The following CD58 variants were observed in gnomAD, a reference collection of about 807,000 sequenced individuals.
The protein encoded by CD58 is CD58 molecule.
In CD58, 14 loss-of-function variants were observed where a neutral mutation model predicts 27.6. The observed-to-expected ratio is 0.51, with a 90% CI of 0.34 to 0.79. The LOEUF is 0.79. Among genes scored for constraint, CD58 ranks in the 30% least tolerant of loss-of-function variants. The pLI is 0.02. For missense variants in CD58, 268 were observed against 301.7 expected (o/e 0.89, Z 0.83); for synonymous variants, 117 against 103.8 (o/e 1.13, Z -0.77).
Position 116,552,115 on chromosome 1 carries a change from T to C in CD58, c.71-7511A>G, listed in dbSNP as rs1207575072. Among the ~76,000 whole-genome samples the C allele has an allele frequency of 6.6e-6, 1 of 152,224 alleles. No individual in the cohort carries two copies. The highest frequency in any genetic ancestry group is 2.4e-5 in the African/African-American group (1 of 41,452). ...GTTTTTAATTTAAAGTGAGAGACAG[T>C]GCAACTCTTCTTTTCACTTGAGCAC... On this transcript the variant is annotated intron_variant, in intron 1 of 5. Coordinates refer to ENST00000369489, the MANE Select transcript of CD58 (RefSeq NM_001779.3). This position sits in a 1 kb window ranked among gnomAD's most constrained non-coding sequence, Gnocchi z 4.5.
At chr1:116,569,651 G>A (rs1007066530) in intron 1 of CD58, among the ~76,000 whole-genome samples, 34 of 147,880 alleles carry the variant, frequency 2.3e-4, no homozygotes, top group Non-Finnish European at 3.9e-4. Context: ...ACCCAGGCTG[G>A]AGTTCAGTGG....
chr1:116,570,825 C>T lies in CD58; in HGVS notation c.70+78G>A. On this transcript the variant is annotated intron_variant, in intron 1 of 5. Transcript: ENST00000369489. The surrounding 1 kb of genome is among the most constrained non-coding windows in gnomAD (Gnocchi z 6.4). ...GTCTCTGATCGGCAACCGCCTCGAG[C>T]CCGGCGCGTCCACCCAGCCTGGGTG... 8.4e-7 allele frequency: 1 copy of T among 1,193,842 alleles called. No individual in the cohort carries two copies. The highest frequency in any genetic ancestry group is 1.4e-5 in the South Asian group (1 of 70,588). The allele number at this position is 1,193,842 out of a possible 1,614,324, so 74.0% of individuals were successfully genotyped here. A position where few individuals can be genotyped will look rare whatever the true frequency, so the allele number is the denominator to read the frequency against.
In CD58 at chr1:116,557,924, T is replaced by C. The variant is rs2101216846; in HGVS notation, c.70+12979A>G. On this transcript the variant is annotated intron_variant, in intron 1 of 5. Coordinates refer to ENST00000369489, the MANE Select transcript of CD58 (RefSeq NM_001779.3). The surrounding 1 kb of genome is among the most constrained non-coding windows in gnomAD (Gnocchi z 5.2). ...CGTGGGCTCAAGTGATCCTCCTCCC[T>C]GGGCCTTCTGAAGTGCTGAGATTAC... 6.6e-6 allele frequency among the ~76,000 whole-genome samples: 1 copy of C among 152,272 alleles called. No individual in the cohort carries two copies. Among genetic ancestry groups the C allele is most frequent in the African/African-American group, 2.4e-5 (1 of 41,560 alleles).
rs371781044 is a variant in CD58, at chr1:116,563,420, C to A, written c.70+7483G>T. The stretch of plus-strand genomic sequence containing the variant: ...GCCCTCTTCTCACAGCTCCACTAGG[C>A]GGTGCCCCAGTGGGGACTCTGTGTG... On this transcript the variant is annotated intron_variant, in intron 1 of 5. Coordinates refer to ENST00000369489, the MANE Select transcript of CD58 (RefSeq NM_001779.3). The surrounding 1 kb of genome is among the most constrained non-coding windows in gnomAD (Gnocchi z 4.1). 6.6e-6 allele frequency among the ~76,000 whole-genome samples: 1 copy of A among 152,096 alleles called. No individual in the cohort carries two copies. Among genetic ancestry groups the A allele is most frequent in the Admixed American group, 6.5e-5 (1 of 15,278 alleles).
intron 1 of CD58, among the ~76,000 whole-genome samples, chr1:116,569,447 A>G (rs1221897801): frequency 1.3e-5 from 2 of 152,084 alleles, no homozygotes; most frequent in Non-Finnish European, 2.9e-5. Flanking sequence ...ACACTCAGCA[A>G]TCTTTTCCCA....
At chr1:116,526,550 T>C (rs1211449102) in intron 3 of CD58, among the ~76,000 whole-genome samples, 1 of 152,246 alleles carries the variant, frequency 6.6e-6, no homozygotes, top group Non-Finnish European at 1.5e-5. Flanking sequence ...GATCTATTTG[T>C]CTTTTATTTT....
intron 1 of CD58, among the ~76,000 whole-genome samples, chr1:116,558,389 G>C (rs1408749739): frequency 6.6e-6 from 1 of 152,104 alleles, no homozygotes; most frequent in Non-Finnish European, 1.5e-5. Flanking sequence ...TCACTTCTCT[G>C]CGTTTGGTCT....
At chr1:116,526,742 G>A (rs1202877471) in intron 3 of CD58, among the ~76,000 whole-genome samples, 1 of 152,076 alleles carries the variant, frequency 6.6e-6, no homozygotes, top group Non-Finnish European at 1.5e-5. Context: ...TATTTTGCTT[G>A]GGATTGCACT....
chr1:116,559,421 C>T lies in CD58; in HGVS notation c.70+11482G>A, dbSNP rs976739327. On this transcript the variant is annotated intron_variant, in intron 1 of 5. Coordinates refer to ENST00000369489, the MANE Select transcript of CD58 (RefSeq NM_001779.3). This position sits in a 1 kb window ranked among gnomAD's most constrained non-coding sequence, Gnocchi z 4.4. ...GAGCTGGTGTCCAGACACAGGCAGT[C>T]GGCCCCAGAGCCTGCACTGTTGGCC... 6.6e-6 allele frequency among the ~76,000 whole-genome samples: 1 copy of T among 152,160 alleles called. No homozygotes were observed. Among genetic ancestry groups the T allele is most frequent in the African/African-American group, 2.4e-5 (1 of 41,436 alleles).
Position 116,563,534 on chromosome 1 carries a change from C to T in CD58, c.70+7369G>A, listed in dbSNP as rs994658350. On this transcript the variant is annotated intron_variant, in intron 1 of 5. Coordinates refer to ENST00000369489, the MANE Select transcript of CD58 (RefSeq NM_001779.3). The surrounding 1 kb of genome is among the most constrained non-coding windows in gnomAD (Gnocchi z 4.1). Reference sequence around the variant, plus strand: ...CTCCTGCAGCAAACTTCTGCCTGGACATCCAGGCATTTCCATACATCCTCT... The same window carrying T: ...CTCCTGCAGCAAACTTCTGCCTGGATATCCAGGCATTTCCATACATCCTCT... Among the ~76,000 whole-genome samples, 1 of 152,178 alleles carries T rather than the reference C, an allele frequency of 6.6e-6. No individual in the cohort carries two copies. Among genetic ancestry groups the T allele is most frequent in the Non-Finnish European group, 1.5e-5 (1 of 68,016 alleles).
At chr1:116,544,671 G>A in intron 1 of CD58, 67 bp from the exon 2 acceptor site, 1 of 1,096,600 alleles carries the variant, frequency 9.1e-7, no homozygotes, top group Non-Finnish European at 1.3e-6. Flanking sequence ...TATTCATCAG[G>A]TACTTTTTGT....
chr1:116,533,370 G>A (rs1050314), intron 3 of CD58: 2 of 969,492 alleles, frequency 2.1e-6, no homozygotes, highest in African/African-American at 1.6e-5. Context: ...CTCAGGACCT[G>A]CAAATGAAAA....
At chr1:116,530,209 C>T (rs1571064199) in intron 3 of CD58, among the ~76,000 whole-genome samples, 1 of 143,426 alleles carries the variant, frequency 7.0e-6, no homozygotes. Flanking sequence ...TCTCCTCATT[C>T]TTTTTTTTTT....
At chr1:116,558,735 C>G (rs1284019575) in intron 1 of CD58, among the ~76,000 whole-genome samples, 5 of 152,282 alleles carry the variant, frequency 3.3e-5, no homozygotes, top group African/African-American at 1.2e-4. Flanking sequence ...ATCCAAGGAG[C>G]CCTAGGCCAG....
rs1173994246 is a variant in CD58, at chr1:116,517,885, T to C, written c.743+1346A>G. 1.3e-5 allele frequency among the ~76,000 whole-genome samples: 2 copies of C among 152,218 alleles called. No homozygotes were observed. Among genetic ancestry groups the C allele is most frequent in the East Asian group, 3.8e-4 (2 of 5,198 alleles). On this transcript the variant is annotated intron_variant, in intron 5 of 5. Transcript: ENST00000369489. The surrounding 1 kb of genome is among the most constrained non-coding windows in gnomAD (Gnocchi z 6.5). ...ATCAACCTGTCAAAGCAAAAATTCA[T>C]AATTTTCCTTCCCAACCAAGATTCC...
intron 5 of CD58, 43 bp from the exon 6 acceptor site, chr1:116,514,865 A>AT: frequency 2.0e-6 from 3 of 1,480,628 alleles, no homozygotes; most frequent in Non-Finnish European, 2.8e-6. Context: ...AATGCAGTAA[A>AT]TCTGGGCTGC....
rs142426408 is a variant in CD58 at position 116,517,439 on chromosome 1, G to A, written c.743+1792C>T. Among the ~76,000 whole-genome samples the A allele has an allele frequency of 3.3e-5, 5 of 152,226 alleles. No individual in the cohort carries two copies. The highest frequency in any genetic ancestry group is 2.6e-4 in the Admixed American group (4 of 15,292). ...TCCTGCACTGTTCCACCTGGCAGCT[G>A]AGGAGAAAGGACACCTGTGGCCCAT... is the stretch of plus-strand genomic sequence containing the variant. On this transcript the variant is annotated intron_variant, in intron 5 of 5. Coordinates refer to ENST00000369489, the MANE Select transcript of CD58 (RefSeq NM_001779.3). The surrounding 1 kb of genome is among the most constrained non-coding windows in gnomAD (Gnocchi z 6.5).
rs578034459 is a variant in CD58 at position 116,566,595 on chromosome 1, T to C, written c.70+4308A>G. On this transcript the variant is annotated intron_variant, in intron 1 of 5. Coordinates refer to ENST00000369489, the MANE Select transcript of CD58 (RefSeq NM_001779.3). ...AAGATGAGTCCAGAACATCTTTCTG[T>C]GCCAGAAAGTAAGGAAGTGTTTAAA... is the stretch of plus-strand genomic sequence containing the variant. Among the ~76,000 whole-genome samples, 6 of 152,248 alleles carry C rather than the reference T, an allele frequency of 3.9e-5. No homozygotes were observed. The East Asian group carries it at 1.2e-3, about 29-fold the overall frequency.
Position 116,550,731 on chromosome 1 carries a change from C to G in CD58, c.71-6127G>C, listed in dbSNP as rs1658362290. 6.6e-6 allele frequency among the ~76,000 whole-genome samples: 1 copy of G among 152,072 alleles called. No homozygotes were observed. The highest frequency in any genetic ancestry group is 1.5e-5 in the Non-Finnish European group (1 of 68,040). On this transcript the variant is annotated intron_variant, in intron 1 of 5. Coordinates refer to ENST00000369489, the MANE Select transcript of CD58 (RefSeq NM_001779.3). This position sits in a 1 kb window ranked among gnomAD's most constrained non-coding sequence, Gnocchi z 4.2. Reference sequence around the variant, plus strand: ...ATCCTTTCAGAAGGTTGTCAATTTACTTTGCCCAGATTCATCAGAAGAATA... The same window carrying G: ...ATCCTTTCAGAAGGTTGTCAATTTAGTTTGCCCAGATTCATCAGAAGAATA...
Sources: gnomAD v4.1 joint callset for allele counts (sites outside exome capture counted in the v4.1 genomes callset) on GRCh38, gnomAD v4.1.1 for gene constraint, Gnocchi (gnomAD v3.1) non-coding constraint, MANE v1.5 for transcripts, NCBI Gene and HGNC (gene_info 2026-07-23, HGNC 2026-07-21) for gene names.